The following ODF2L variants were observed in gnomAD, a reference collection of about 807,000 sequenced individuals.
ODF2L encodes outer dense fiber of sperm tails 2 like.
In ODF2L, 76 loss-of-function variants were observed where a neutral mutation model predicts 86.3. The observed-to-expected ratio is 0.88, with a 90% CI of 0.73 to 1.07. ODF2L has a LOEUF of 1.07. Among genes scored for constraint, ODF2L ranks in the 50% least tolerant of loss-of-function variants. The pLI is 0.00. For synonymous variants in ODF2L, 241 were observed against 231.3 expected, an observed-to-expected ratio of 1.04 and a Z score of -0.38; for missense variants, 748 against 717.4, an observed-to-expected ratio of 1.04 and a Z score of -0.49.
chr1:86,357,981 A>G lies in ODF2L; in HGVS notation c.1359+806T>C. 5 of 985,430 alleles carry G rather than the reference A, an allele frequency of 5.1e-6. No homozygotes were observed. The South Asian group carries it at 2.3e-4, about 46-fold the overall frequency. The allele number at this position is 985,430 out of a possible 1,614,324, so 61.0% of individuals were successfully genotyped here. A position where few individuals can be genotyped will look rare whatever the true frequency, so the allele number is the denominator to read the frequency against. On this transcript the variant is annotated intron_variant, in intron 13 of 17. Coordinates refer to ENST00000317336, the Ensembl canonical transcript of ODF2L. ...TCGCTGGCCTGCTAAAAATAGGTGAAAAGTAATTCCATGAAAGCAGTAAGT... is the reference window on the plus strand; with the variant it reads ...TCGCTGGCCTGCTAAAAATAGGTGAGAAGTAATTCCATGAAAGCAGTAAGT...
intron 17 of ODF2L, chr1:86,352,276 C>A (rs755650571): frequency 1.4e-4 from 200 of 1,402,080 alleles, no homozygotes; most frequent in Non-Finnish European, 1.7e-4. Context: ...GTAATTTAAT[C>A]ATGAGTAATG....
At chr1:86,390,881 G>A (rs950179456) in intron 1 of ODF2L, among the ~76,000 whole-genome samples, 5 of 152,148 alleles carry the variant, frequency 3.3e-5, no homozygotes, top group African/African-American at 1.2e-4. Context: ...TCGGTAAACA[G>A]GAAGTCAAAC....
At chr1:86,388,859 T>C (rs1428478888) in intron 1 of ODF2L, among the ~76,000 whole-genome samples, 5 of 152,090 alleles carry the variant, frequency 3.3e-5, no homozygotes, top group African/African-American at 1.2e-4. Flanking sequence ...ATCAACACAC[T>C]GTAAAAATAG....
chr1:86,393,241 C>T (rs1216491577), intron 1 of ODF2L, among the ~76,000 whole-genome samples: 1 of 152,150 alleles, frequency 6.6e-6, no homozygotes, highest in African/African-American at 2.4e-5. Flanking sequence ...AAACTAACTT[C>T]CACTGGCTTC....
At chr1:86,355,067 T>C (rs1227634262) in intron 14 of ODF2L, 6 of 547,608 alleles carry the variant, frequency 1.1e-5, no homozygotes, top group African/African-American at 3.8e-5. Flanking sequence ...GTTGCCTGTA[T>C]TGGAAAATAA....
intron 16 of ODF2L, 58 bp from the exon 16 acceptor site, chr1:86,353,042 C>T (rs934699717): frequency 1.8e-6 from 2 of 1,096,582 alleles, no homozygotes; most frequent in African/African-American, 3.2e-5. Context: ...TGATTTAAAG[C>T]CTTGACAGTT....
intron 11 of ODF2L, among the ~76,000 whole-genome samples, chr1:86,367,495 G>T (rs1481354364): frequency 6.8e-6 from 1 of 146,132 alleles, no homozygotes; most frequent in Admixed American, 6.9e-5. Context: ...CAAAGTAGAA[G>T]AAATCTGGGG....
rs1334888919 is a variant in ODF2L, at chr1:86,385,455, C to A, written c.246+3G>T. ...TTTTATTATATATTCATAAGTCACTCACATTTTCAAAATTAATCTTTTCAA... is the reference window on the plus strand; with the variant it reads ...TTTTATTATATATTCATAAGTCACTAACATTTTCAAAATTAATCTTTTCAA... On this transcript the variant is annotated splice_donor_region_variant and intron_variant, in intron 3 of 17. Transcript: ENST00000317336. The A allele has an allele frequency of 1.3e-6, 2 of 1,560,924 alleles. No homozygotes were observed. Among genetic ancestry groups the A allele is most frequent in the East Asian group, 2.3e-5 (1 of 44,340 alleles).
chr1:86,395,069 T>C (rs1661630757), intron 1 of ODF2L, among the ~76,000 whole-genome samples: 1 of 152,082 alleles, frequency 6.6e-6, no homozygotes. Context: ...GGTCTCGATC[T>C]CCTAACCTCG....
intron 1 of ODF2L, among the ~76,000 whole-genome samples, chr1:86,390,928 A>T (rs1661281799): frequency 6.6e-6 from 1 of 152,196 alleles, no homozygotes; most frequent in Non-Finnish European, 1.5e-5. Flanking sequence ...CTGTACCTAG[A>T]GAATCCTAAA....
At chr1:86,363,876 G>C (rs935638903) in intron 11 of ODF2L, among the ~76,000 whole-genome samples, 2 of 151,894 alleles carry the variant, frequency 1.3e-5, no homozygotes, top group Non-Finnish European at 2.9e-5. Context: ...CTTGAAAGCA[G>C]TACTCACAGT....
intron 7 of ODF2L, among the ~76,000 whole-genome samples, chr1:86,378,182 A>C (rs989095033): frequency 5.9e-5 from 9 of 152,232 alleles, no homozygotes; most frequent in African/African-American, 1.9e-4. Context: ...TCTCTAGGGC[A>C]GTGGCAAAAT....
intron 1 of ODF2L, among the ~76,000 whole-genome samples, chr1:86,394,896 A>G (rs1036717880): frequency 2.9e-5 from 4 of 136,260 alleles, no homozygotes; most frequent in Admixed American, 8.4e-5. Flanking sequence ...GCTGGAGTGC[A>G]GTGGCGCGAT....
chr1:86,374,070 T>A (rs1403792676), intron 8 of ODF2L, among the ~76,000 whole-genome samples: 3 of 152,144 alleles, frequency 2.0e-5, no homozygotes, highest in Non-Finnish European at 4.4e-5. Flanking sequence ...TAATTACAAA[T>A]CAAAAAGCTT....
exon 17 of ODF2L, chr1:86,352,918 C>T (rs149282656): frequency 3.2e-6 from 5 of 1,546,740 alleles, no homozygotes; most frequent in Non-Finnish European, 4.4e-6. Flanking sequence ...AGCTCAGTTT[C>T]CAGATCTAAT....
intron 11 of ODF2L, among the ~76,000 whole-genome samples, chr1:86,363,925 T>C (rs1659218777): frequency 6.6e-6 from 1 of 152,066 alleles, no homozygotes; most frequent in African/African-American, 2.4e-5. Flanking sequence ...AAAACTATTC[T>C]AAAGTAATTA....
At chr1:86,383,954 C>T (rs1384728783) in intron 4 of ODF2L, among the ~76,000 whole-genome samples, 8 of 151,616 alleles carry the variant, frequency 5.3e-5, no homozygotes, top group East Asian at 3.9e-4. Context: ...TATATGCACA[C>T]GTAACATATA....
intron 13 of ODF2L, 33 bp from the exon 13 acceptor site, chr1:86,356,635 A>G: frequency 1.3e-6 from 2 of 1,585,386 alleles, no homozygotes; most frequent in Non-Finnish European, 1.7e-6. Context: ...TAAGTGCAAG[A>G]TCACACATTC....
In ODF2L at chr1:86,361,491, T is replaced by G. The variant is rs546002554; in HGVS notation, c.1144-955A>C. 2.6e-5 allele frequency among the ~76,000 whole-genome samples: 4 copies of G among 152,312 alleles called. No individual in the cohort carries two copies. The East Asian group carries it at 7.7e-4, about 29-fold the overall frequency. ...CAAAAGACAGTCTACATGGACAATA[T>G]CTTTGATTACAAGATGTGCAGAGCT... On this transcript the variant is annotated intron_variant, in intron 11 of 17. Coordinates refer to ENST00000317336, the Ensembl canonical transcript of ODF2L.
Sources: allele counts gnomAD v4.1 joint callset (sites outside exome capture counted in the v4.1 genomes callset), GRCh38; gene constraint gnomAD v4.1.1; transcripts MANE v1.5; gene names NCBI Gene and HGNC (gene_info 2026-07-23, HGNC 2026-07-21).